SFXN5: variants seen among roughly 807,000 people sequenced by gnomAD.
SFXN5 encodes the protein sideroflexin 5.
Under a neutral mutation model 50.2 loss-of-function variants are expected in SFXN5, and 43 were observed. That is an observed-to-expected ratio of 0.86 (90% confidence interval 0.67 to 1.11). The LOEUF is 1.11. Ranked by LOEUF, SFXN5 falls within the 50% of genes least tolerant of loss-of-function variation. The pLI, the probability that SFXN5 is intolerant of heterozygous loss-of-function variation, is 0.00. For synonymous variants in SFXN5, 203 were observed against 185.8 expected, an observed-to-expected ratio of 1.09 and a Z score of -0.75; for missense variants, 463 against 454.1, an observed-to-expected ratio of 1.02 and a Z score of -0.18.
At chr2:73,003,087 G>A (rs1487984882) in intron 6 of SFXN5, among the ~76,000 whole-genome samples, 1 of 152,008 alleles carries the variant, frequency 6.6e-6, no homozygotes, top group African/African-American at 2.4e-5. Context: ...TCGTAGTTGG[G>A]GCCCCCAGTT....
intron 10 of SFXN5, chr2:72,980,981 A>G (rs1671237124): frequency 6.6e-6 from 1 of 152,096 alleles, no homozygotes; most frequent in Admixed American, 6.5e-5. Flanking sequence ...AAGGCCATTT[A>G]CGCAACAAGC....
At chr2:72,980,707 T>C (rs1671190120) in intron 10 of SFXN5, among the ~76,000 whole-genome samples, 1 of 152,220 alleles carries the variant, frequency 6.6e-6, no homozygotes, top group African/African-American at 2.4e-5. Flanking sequence ...CCCCTTTTTA[T>C]CACAGCTGCC....
At chr2:72,975,191 C>T (rs1324036246) in intron 10 of SFXN5, among the ~76,000 whole-genome samples, 2 of 152,250 alleles carry the variant, frequency 1.3e-5, no homozygotes, top group African/African-American at 2.4e-5. Flanking sequence ...GATGTTCTCA[C>T]ATCCGACCCA....
Position 72,968,555 on chromosome 2 carries a change from T to A in SFXN5, c.742-22A>T, listed in dbSNP as rs759592959. 1.1e-5 allele frequency: 17 copies of A among 1,611,522 alleles called. No individual in the cohort carries two copies. In the African/African-American group the frequency reaches 2.1e-4, roughly 20 times the overall value. Reference sequence around the variant, plus strand: ...GGGCCTGAGGGGCAGGCAGAAGCTGTGTGAGAGGGGCCTGACAGCTGGTGA... The same window carrying A: ...GGGCCTGAGGGGCAGGCAGAAGCTGAGTGAGAGGGGCCTGACAGCTGGTGA... On this transcript the variant is annotated intron_variant, in intron 11 of 13. Transcript: ENST00000272433.
intron 10 of SFXN5, among the ~76,000 whole-genome samples, chr2:72,979,608 TG>T (rs1284193592): frequency 1.3e-5 from 2 of 152,212 alleles, no homozygotes; most frequent in Non-Finnish European, 2.9e-5. Context: ...CACTCCAGCC[TG>T]GGTGACAGAG....
intron 10 of SFXN5, among the ~76,000 whole-genome samples, chr2:72,987,542 G>C (rs1470078094): frequency 6.6e-6 from 1 of 151,984 alleles, no homozygotes; most frequent in Non-Finnish European, 1.5e-5. Flanking sequence ...TGGATCATGA[G>C]GTTAGGAGTT....
At chr2:72,955,400 G>C (rs746657598) in intron 13 of SFXN5, among the ~76,000 whole-genome samples, 17 of 152,218 alleles carry the variant, frequency 1.1e-4, no homozygotes, top group Non-Finnish European at 1.9e-4. Context: ...CAATGGCTCC[G>C]GCTTGTATGT....
At chr2:73,053,955 G>T (rs572057011) in intron 2 of SFXN5, among the ~76,000 whole-genome samples, 5 of 152,324 alleles carry the variant, frequency 3.3e-5, no homozygotes, top group African/African-American at 1.2e-4. Flanking sequence ...CCAGCATTGA[G>T]GGGGAGCCTG....
chr2:73,039,831 G>A (rs1164397050), intron 3 of SFXN5, among the ~76,000 whole-genome samples: 1 of 137,560 alleles, frequency 7.3e-6, no homozygotes, highest in Non-Finnish European at 1.6e-5. Context: ...TAATTTTTGA[G>A]ACAGAGTTTC....
chr2:72,947,035 C>T lies in SFXN5; in HGVS notation c.946-1936G>A, dbSNP rs1305105772. Among the ~76,000 whole-genome samples the T allele has an allele frequency of 5.3e-5, 8 of 152,196 alleles. 1 individual carries two copies. Among genetic ancestry groups the T allele is most frequent in the Admixed American group, 2.0e-4 (3 of 15,284 alleles). ...CATTCCTGCCCCTACTCTGCTCTCCCGTCTTCAGCTCATCATCTTTCGTGT... is the reference window on the plus strand; with the variant it reads ...CATTCCTGCCCCTACTCTGCTCTCCTGTCTTCAGCTCATCATCTTTCGTGT... On this transcript the variant is annotated intron_variant, in intron 13 of 13. Transcript: ENST00000272433.
At chr2:72,968,626 G>T in intron 11 of SFXN5, 93 bp from the exon 12 acceptor site, 1 of 1,175,790 alleles carries the variant, frequency 8.5e-7, no homozygotes, top group Non-Finnish European at 1.2e-6. Context: ...CCACCACAAC[G>T]CATGTGTGTC....
intron 13 of SFXN5, among the ~76,000 whole-genome samples, chr2:72,957,949 G>A (rs1329058079): frequency 6.6e-6 from 1 of 152,178 alleles, no homozygotes; most frequent in African/African-American, 2.4e-5. Flanking sequence ...AAAGAGGCTT[G>A]GATTGCAATA....
chr2:73,065,288 A>G (rs925662713), intron 1 of SFXN5, among the ~76,000 whole-genome samples: 2 of 152,082 alleles, frequency 1.3e-5, no homozygotes, highest in Non-Finnish European at 1.5e-5. Flanking sequence ...TTTTGTAGAC[A>G]TGGGGTCTCA....
intron 6 of SFXN5, among the ~76,000 whole-genome samples, chr2:73,015,611 T>A (rs2105794021): frequency 6.6e-6 from 1 of 152,318 alleles, no homozygotes; most frequent in Middle Eastern, 3.4e-3. Context: ...TGAACCACTA[T>A]GCCTGGCACT....
intron 3 of SFXN5, among the ~76,000 whole-genome samples, chr2:73,035,416 C>T (rs1180157624): frequency 1.3e-5 from 2 of 151,698 alleles, no homozygotes; most frequent in Admixed American, 1.3e-4. Context: ...TTCAAATTTT[C>T]ACCTGCTAAA....
At position 72,999,434 on chromosome 2, in the gene SFXN5, C is replaced by G. The variant is rs1211780398; in HGVS notation, c.469-420G>C. 6.6e-5 allele frequency among the ~76,000 whole-genome samples: 10 copies of G among 152,142 alleles called. No individual in the cohort carries two copies. The East Asian group carries it at 1.9e-3, about 29-fold the overall frequency. ...AGTGTCAAGGCTCTCACAGGCCTTG[C>G]CAGCCCATGGAACAGCTGGGCTCCC... On this transcript the variant is annotated intron_variant, in intron 8 of 13. Transcript: ENST00000272433.
rs117184274 is a variant in SFXN5 at position 72,958,634 on chromosome 2, C to T, written c.945+2497G>A. ...GGACCCTGGGCTCAGGCTGATTGCA[C>T]AGACAGATGCAATGGCTTCAGGGAG... is the stretch of plus-strand genomic sequence containing the variant. On this transcript the variant is annotated intron_variant, in intron 13 of 13. Coordinates refer to ENST00000272433, the MANE Select transcript of SFXN5 (RefSeq NM_144579.3). Among the ~76,000 whole-genome samples, 163 of 152,288 alleles carry T rather than the reference C, an allele frequency of 1.1e-3. 1 individual carries two copies. The South Asian group carries it at 0.013, about 12-fold the overall frequency.
chr2:72,988,069 A>T (rs545385144), intron 10 of SFXN5, among the ~76,000 whole-genome samples, 189 bp downstream of exon 10: 2 of 152,374 alleles, frequency 1.3e-5, no homozygotes, highest in East Asian at 3.9e-4. Flanking sequence ...TGAAAGCAGA[A>T]TCTCAGCACA....
chr2:73,068,954 C>T (rs1317221606), intron 1 of SFXN5, among the ~76,000 whole-genome samples: 1 of 151,466 alleles, frequency 6.6e-6, no homozygotes, highest in African/African-American at 2.4e-5. Flanking sequence ...AAGCAGATGG[C>T]CCAGTGGTGG....
Sources: allele counts gnomAD v4.1 joint callset (sites outside exome capture counted in the v4.1 genomes callset), GRCh38; gene constraint gnomAD v4.1.1; transcripts MANE v1.5; gene names NCBI Gene and HGNC (gene_info 2026-07-23, HGNC 2026-07-21).